The following LGR4 variants were observed in gnomAD, a reference collection of about 807,000 sequenced individuals.
The protein encoded by LGR4 is leucine rich repeat containing G protein-coupled receptor 4.
A neutral mutation model predicts 84.8 loss-of-function variants in LGR4; 44 were observed. The observed-to-expected ratio is 0.52, with a 90% CI of 0.41 to 0.67. The LOEUF (loss-of-function observed/expected upper bound fraction) is 0.67, where lower values mean the gene tolerates loss of function less well. Among genes scored for constraint, LGR4 ranks in the 30% least tolerant of loss-of-function variants. The pLI, the probability that LGR4 is intolerant of heterozygous loss-of-function variation, is 0.00. For synonymous variants in LGR4, 429 were observed against 434.3 expected, an observed-to-expected ratio of 0.99 and a Z score of 0.15; for missense variants, 1,032 against 1,131.4, an observed-to-expected ratio of 0.91 and a Z score of 1.26.
intron 1 of LGR4, among the ~76,000 whole-genome samples, chr11:27,459,957 G>A (rs1864653184): frequency 6.6e-6 from 1 of 152,086 alleles, no homozygotes; most frequent in Non-Finnish European, 1.5e-5. Flanking sequence ...CAAGTGTGAT[G>A]ACATGTGCCT....
At chr11:27,414,081 G>C (rs975095177) in intron 1 of LGR4, among the ~76,000 whole-genome samples, 1 of 151,982 alleles carries the variant, frequency 6.6e-6, no homozygotes, top group African/African-American at 2.4e-5. Flanking sequence ...TTTTAACATG[G>C]TAAGACTACA....
At chr11:27,374,963 A>G (rs1862947650) in intron 13 of LGR4, among the ~76,000 whole-genome samples, 1 of 152,090 alleles carries the variant, frequency 6.6e-6, no homozygotes, top group Admixed American at 6.6e-5. Flanking sequence ...TTCATTCACT[A>G]TCAATTTTTC....
At position 27,368,665 on chromosome 11, in the gene LGR4, T is replaced by C; in HGVS notation, c.2058A>G (p.Glu686=). The change falls in exon 18 of 18, where the codon GAA becomes GAG. Residue 686 remains glutamate, a synonymous_variant. Transcript: ENST00000379214. ...GCAAACAAAGGGGTGATGCAGAATA[T>C]TCCCCTCTATGGAAAAGGGGAAAAC... The part of the protein sequence containing the change: ...AGCFPLFHRG[E]YSASPLCLPF... The C allele has an allele frequency of 6.2e-7, 1 of 1,613,956 alleles. No homozygotes were observed. Among genetic ancestry groups the C allele is most frequent in the Non-Finnish European group, 8.5e-7 (1 of 1,179,968 alleles).
intron 1 of LGR4, among the ~76,000 whole-genome samples, chr11:27,446,670 C>T (rs1186603372): frequency 1.3e-5 from 2 of 152,180 alleles, no homozygotes; most frequent in Admixed American, 1.3e-4. Context: ...TTTGACCCAG[C>T]CATCCCATTA....
At chr11:27,393,764 A>C (rs953710243) in intron 2 of LGR4, among the ~76,000 whole-genome samples, 2 of 152,024 alleles carry the variant, frequency 1.3e-5, no homozygotes, top group African/African-American at 4.8e-5. Flanking sequence ...GATTTTAGGG[A>C]TACAAGAAAG....
In LGR4 at chr11:27,380,668, A is replaced by T. The variant is rs1228088722; in HGVS notation, c.874T>A (p.Phe292Ile). Residue 292 changes from phenylalanine to isoleucine, a missense_variant, in exon 9 of 18, where the codon TTT becomes ATT. Physicochemically the swap from Phe to Ile is conservative, Grantham distance 21 (BLOSUM62 0). Transcript: ENST00000379214. ...NPLSFVGNSA[F>I]HNLSDLHSLV... ...GAATGAAGATCAGATAAATTGTGAA[A>T]TGCTGAGTTCCCCACAAAAGACAGA... 6.2e-7 allele frequency: 1 copy of T among 1,601,862 alleles called. No homozygotes were observed. The highest frequency in any genetic ancestry group is 1.7e-5 in the Admixed American group (1 of 59,896).
intron 1 of LGR4, among the ~76,000 whole-genome samples, chr11:27,459,821 T>C (rs1864650029): frequency 6.6e-6 from 1 of 151,306 alleles, no homozygotes; most frequent in Non-Finnish European, 1.5e-5. Context: ...CTGGGTGCAA[T>C]GGCTCATTCC....
At chr11:27,430,421 G>C (rs1864096195) in intron 1 of LGR4, among the ~76,000 whole-genome samples, 1 of 152,122 alleles carries the variant, frequency 6.6e-6, no homozygotes, top group Admixed American at 6.5e-5. Context: ...TACCTTCAGG[G>C]GAATGGAGGA....
chr11:27,373,641 G>T lies in LGR4; in HGVS notation c.1289C>A (p.Thr430Lys). Reference protein sequence around the residue: ...VSFNELTSFPTEGLNGLNQLK... With the variant: ...VSFNELTSFPKEGLNGLNQLK... ...TTGATTTAGCCCATTCAGGCCTTCC[G>T]TAGGAAAGGAAGTTAATTCATTGAA... Residue 430 changes from threonine (T) to lysine (K), a missense_variant, in exon 15 of 18, where the codon ACG (threonine) becomes AAG (lysine). Transcript: ENST00000379214. 1 of 1,590,528 alleles carries T rather than the reference G, an allele frequency of 6.3e-7. No homozygotes were observed. The highest frequency in any genetic ancestry group is 8.6e-7 in the Non-Finnish European group (1 of 1,166,526).
chr11:27,454,724 T>C (rs1864542301), intron 1 of LGR4, among the ~76,000 whole-genome samples: 1 of 149,940 alleles, frequency 6.7e-6, no homozygotes, highest in African/African-American at 2.5e-5. Flanking sequence ...TCATGCCACC[T>C]GCTCTCTAGC....
At chr11:27,459,076 T>A (rs78444646) in intron 1 of LGR4, among the ~76,000 whole-genome samples, 2,772 of 152,302 alleles carry the variant, frequency 0.018, 82 homozygotes, top group African/African-American at 0.064. Context: ...ATCAGTTTTA[T>A]GAGAAAATGT....
intron 2 of LGR4, among the ~76,000 whole-genome samples, chr11:27,410,511 T>C (rs912494453): frequency 2.6e-5 from 4 of 152,108 alleles, no homozygotes; most frequent in Non-Finnish European, 5.9e-5. Context: ...AGATGACTCC[T>C]AGACAAACAG....
intron 4 of LGR4, among the ~76,000 whole-genome samples, chr11:27,386,977 G>A (rs1236016350): frequency 6.6e-6 from 1 of 152,174 alleles, no homozygotes; most frequent in African/African-American, 2.4e-5. Flanking sequence ...CTACAGAGCT[G>A]TTTAGGAGAT....
At chr11:27,455,392 C>A (rs1397465261) in intron 1 of LGR4, among the ~76,000 whole-genome samples, 2 of 151,982 alleles carry the variant, frequency 1.3e-5, no homozygotes, top group Non-Finnish European at 2.9e-5. Context: ...TAAAAAAAAA[C>A]AACAACAAGA....
chr11:27,376,645 T>A (rs1023506182), intron 12 of LGR4, among the ~76,000 whole-genome samples: 1 of 152,136 alleles, frequency 6.6e-6, no homozygotes, highest in Admixed American at 6.5e-5. Context: ...TTAACTGGTA[T>A]GCTATCTAAA....
At chr11:27,433,377 C>G (rs374108053) in intron 1 of LGR4, among the ~76,000 whole-genome samples, 1 of 145,388 alleles carries the variant, frequency 6.9e-6, no homozygotes, top group African/African-American at 2.6e-5. Flanking sequence ...CATGCACGCC[C>G]GGCTAATTTA....
chr11:27,372,866 C>A (rs1025740781), intron 15 of LGR4: 1 of 128,894 alleles, frequency 7.8e-6, no homozygotes, highest in Admixed American at 7.1e-5. Context: ...AATATTCTCT[C>A]TCTTTTTTTT....
intron 1 of LGR4, among the ~76,000 whole-genome samples, chr11:27,430,887 C>T (rs1864104249): frequency 6.6e-6 from 1 of 151,844 alleles, no homozygotes; most frequent in Non-Finnish European, 1.5e-5. Flanking sequence ...ATCATCCCCA[C>T]CCCACTCCCA....
intron 13 of LGR4, among the ~76,000 whole-genome samples, chr11:27,375,289 C>A (rs1289091849): frequency 5.3e-5 from 7 of 133,134 alleles, no homozygotes; most frequent in African/African-American, 1.9e-4. Flanking sequence ...GAGTGAGAGA[C>A]CCTGTCTCAA....
Sources: gnomAD v4.1 joint callset for allele counts (sites outside exome capture counted in the v4.1 genomes callset) on GRCh38, gnomAD v4.1.1 for gene constraint, MANE v1.5 for transcripts, NCBI Gene and HGNC (gene_info 2026-07-23, HGNC 2026-07-21) for gene names.